The following SYT9 variants were observed in gnomAD, a reference collection of about 807,000 sequenced individuals.
The protein encoded by SYT9 is synaptotagmin-9.
SYT9 carries 22 observed loss-of-function variants against 48.4 expected under a neutral mutation model. The observed-to-expected ratio is 0.45, with a 90% CI of 0.32 to 0.65. The LOEUF (loss-of-function observed/expected upper bound fraction) is 0.65, where lower values mean the gene tolerates loss of function less well. Among genes scored for constraint, SYT9 ranks in the 30% least tolerant of loss-of-function variants. The pLI, the probability that SYT9 is intolerant of heterozygous loss-of-function variation, is 0.03. For missense variants in SYT9, 577 were observed against 622.0 expected, an observed-to-expected ratio of 0.93 and a Z score of 0.77; for synonymous variants, 265 against 245.0, an observed-to-expected ratio of 1.08 and a Z score of -0.76.
intron 3 of SYT9, among the ~76,000 whole-genome samples, chr11:7,409,493 C>G (rs1847091873): frequency 6.6e-6 from 1 of 152,054 alleles, no homozygotes; most frequent in Admixed American, 6.5e-5. Context: ...GTTCATCCAT[C>G]CAGTAGTTGG....
At chr11:7,351,039 A>G (rs1282869433) in intron 3 of SYT9, among the ~76,000 whole-genome samples, 1 of 152,220 alleles carries the variant, frequency 6.6e-6, no homozygotes, top group East Asian at 1.9e-4. Context: ...TCTTAAAAAA[A>G]GTCAAGATCA....
At chr11:7,290,512 C>G (rs988445009) in intron 1 of SYT9, among the ~76,000 whole-genome samples, 8 of 152,164 alleles carry the variant, frequency 5.3e-5, no homozygotes, top group African/African-American at 1.9e-4. Context: ...AACACTGTAT[C>G]ATTTTCAATC....
At chr11:7,417,843 A>T in intron 4 of SYT9, 114 bp from the exon 5 acceptor site, 3 of 1,034,556 alleles carry the variant, frequency 2.9e-6, no homozygotes, top group Non-Finnish European at 4.1e-6. Flanking sequence ...TCCAGTCCAC[A>T]GGCAGGTAAA....
chr11:7,385,014 C>T (rs1850631108), intron 3 of SYT9, among the ~76,000 whole-genome samples: 1 of 152,070 alleles, frequency 6.6e-6, no homozygotes, highest in African/African-American at 2.4e-5. Context: ...CCTTTCCTGA[C>T]CTCCCTATTT....
intron 6 of SYT9, among the ~76,000 whole-genome samples, chr11:7,430,051 T>C (rs895467952): frequency 1.3e-5 from 2 of 152,126 alleles, no homozygotes; most frequent in Admixed American, 1.3e-4. Flanking sequence ...CAATGTCTTA[T>C]GTGATGTACT....
chr11:7,272,611 A>G (rs1848318029), intron 1 of SYT9, among the ~76,000 whole-genome samples: 1 of 152,180 alleles, frequency 6.6e-6, no homozygotes, highest in South Asian at 2.1e-4. Flanking sequence ...AAAGAAAGAC[A>G]TGATCCTTGT....
chr11:7,297,558 G>A (rs779538514), intron 1 of SYT9, among the ~76,000 whole-genome samples: 33 of 152,210 alleles, frequency 2.2e-4, no homozygotes, highest in South Asian at 2.1e-4. Context: ...ACCCAATCAC[G>A]TAGCTGGTCC....
intron 3 of SYT9, among the ~76,000 whole-genome samples, chr11:7,339,236 A>G (rs981354305): frequency 6.6e-6 from 1 of 152,034 alleles, no homozygotes; most frequent in East Asian, 1.9e-4. Flanking sequence ...TTTTGAGGCT[A>G]TAGGTCTCAT....
chr11:7,323,430 T>A (rs147179698), intron 3 of SYT9, among the ~76,000 whole-genome samples: 38 of 152,238 alleles, frequency 2.5e-4, no homozygotes, highest in African/African-American at 8.9e-4. Flanking sequence ...TCTTTCTTTT[T>A]TAATTATTTT....
At chr11:7,303,460 A>G (rs1257793626) in intron 2 of SYT9, 70 bp downstream of exon 2, 9 of 1,319,616 alleles carry the variant, frequency 6.8e-6, no homozygotes, top group East Asian at 2.5e-5. Flanking sequence ...CAACAATAGC[A>G]CTGATAGGTC....
intron 2 of SYT9, among the ~76,000 whole-genome samples, chr11:7,307,623 G>A (rs1849056524): frequency 6.6e-6 from 1 of 152,196 alleles, no homozygotes; most frequent in African/African-American, 2.4e-5. Flanking sequence ...CACAGCAAGA[G>A]CACCAATTAT....
chr11:7,436,685 T>A (rs1318741079), intron 6 of SYT9, among the ~76,000 whole-genome samples: 1 of 152,184 alleles, frequency 6.6e-6, no homozygotes, highest in Non-Finnish European at 1.5e-5. Context: ...ATTTGAAAGT[T>A]GAAGGTCTAA....
intron 6 of SYT9, chr11:7,438,959 G>A (rs138970591): frequency 9.2e-5 from 14 of 152,292 alleles, no homozygotes; most frequent in Non-Finnish European, 1.9e-4. Context: ...ATCCAGCTGT[G>A]GGCAGTCTTT....
chr11:7,442,119 ACT>A (rs1002498080), intron 6 of SYT9, among the ~76,000 whole-genome samples: 1 of 151,830 alleles, frequency 6.6e-6, no homozygotes, highest in African/African-American at 2.4e-5. Context: ...CCACTGAGAA[ACT>A]CTCCAGATAA....
In SYT9 at chr11:7,454,309, C is replaced by T. The variant is rs181618150; in HGVS notation, c.1468-12483C>T. 6.1e-6 allele frequency: 6 copies of T among 985,186 alleles called. No individual in the cohort carries two copies. The Admixed American group carries it at 1.8e-4, about 30-fold the overall frequency. 61.0% of individuals were successfully genotyped at this position (985,186 alleles called of 1,614,324 possible). On this transcript the variant is annotated intron_variant, in intron 6 of 6. Transcript: ENST00000318881. ...ATGGTCTTTTTTGCATCTCATGATTCCAGATGATGCTTACCATTTCCGCTC... is the reference window on the plus strand; with the variant it reads ...ATGGTCTTTTTTGCATCTCATGATTTCAGATGATGCTTACCATTTCCGCTC...
At chr11:7,432,583 ATATATATACATATATAT>A (rs1394377548) in intron 6 of SYT9, among the ~76,000 whole-genome samples, 7 of 2,902 alleles carry the variant, frequency 2.4e-3, no homozygotes, top group Admixed American at 3.7e-3. Flanking sequence ...AAAAAAAAAA[ATATATATACATATATAT>A]ATATATATAT....
chr11:7,463,776 G>A (rs1003654407), intron 6 of SYT9, among the ~76,000 whole-genome samples: 1 of 152,162 alleles, frequency 6.6e-6, no homozygotes, highest in Non-Finnish European at 1.5e-5. Context: ...CAAGTGAAGG[G>A]CTGCACCTTA....
At position 7,252,599 on chromosome 11, in the gene SYT9, C is replaced by G. The variant is rs917499372; in HGVS notation, c.145+268C>G. On this transcript the variant is annotated intron_variant, in intron 1 of 6. Transcript: ENST00000318881. The surrounding 1 kb of genome is among the most constrained non-coding windows in gnomAD (Gnocchi z 6.3). Reference sequence around the variant, plus strand: ...CGCCCGCCACCTGCGCTCCCATCGCCAAGGCTCCTGGGGGCGGCTCCCTAG... The same window carrying G: ...CGCCCGCCACCTGCGCTCCCATCGCGAAGGCTCCTGGGGGCGGCTCCCTAG... Among the ~76,000 whole-genome samples the G allele has an allele frequency of 1.3e-5, 2 of 152,216 alleles. No individual in the cohort carries two copies. Among genetic ancestry groups the G allele is most frequent in the Non-Finnish European group, 2.9e-5 (2 of 68,042 alleles).
In SYT9 at chr11:7,362,949, C is replaced by CTT. The variant is rs35065184; in HGVS notation, c.1044+49035_1044+49036dup. On this transcript the variant is annotated intron_variant, in intron 3 of 6. Coordinates refer to ENST00000318881, the MANE Select transcript of SYT9 (RefSeq NM_175733.4). ...ATCTTTCTTCTTGCCATTTATTGGC[C>CTT]TTTTTTTTTTTTTTTTTTTTTTTTT... 2.8e-4 allele frequency among the ~76,000 whole-genome samples: 5 copies of CTT among 17,922 alleles called. 2 individuals carry two copies. The highest frequency in any genetic ancestry group is 8.9e-4 in the African/African-American group (5 of 5,594). The allele number at this position is 17,922 out of a possible 152,430, so 11.8% of individuals were successfully genotyped here. A position where few individuals can be genotyped will look rare whatever the true frequency, so the allele number is the denominator to read the frequency against.
Sources: gnomAD v4.1 joint callset for allele counts (sites outside exome capture counted in the v4.1 genomes callset) on GRCh38, gnomAD v4.1.1 for gene constraint, Gnocchi (gnomAD v3.1) non-coding constraint, MANE v1.5 for transcripts, NCBI Gene and HGNC (gene_info 2026-07-23, HGNC 2026-07-21) for gene names.